Variants in RP1 observed in about 807,000 individuals in gnomAD.
RP1 encodes RP1 axonemal microtubule associated.
In RP1, 16 loss-of-function variants were observed where a neutral mutation model predicts 14.8. That is an observed-to-expected ratio of 1.08 (90% CI 0.73 to 1.65). The LOEUF is 1.65. Ranked by LOEUF, RP1 falls within the 40% of genes most tolerant of loss-of-function variation. RP1 has a pLI of 0.00. For missense variants in RP1, 2,631 were observed against 2,535.0 expected (o/e 1.04, Z -0.81); for synonymous variants, 876 against 883.6 (o/e 0.99, Z 0.15).
chr8:54,588,958 G>A (rs374692498), intron 1 of RP1, among the ~76,000 whole-genome samples: 1 of 152,140 alleles, frequency 6.6e-6, no homozygotes. Flanking sequence ...AAGCTCAAAG[G>A]TTAAGTAACT....
intron 11 of RP1, chr8:54,679,654 A>G (rs1343575166): frequency 6.5e-7 from 1 of 1,534,840 alleles, no homozygotes; most frequent in South Asian, 1.2e-5. Context: ...GCTTTAGATT[A>G]TCTCATATAA....
At chr8:54,607,847 CGT>C (rs1563324287) in intron 1 of RP1, among the ~76,000 whole-genome samples, 7 of 152,158 alleles carry the variant, frequency 4.6e-5, no homozygotes, top group African/African-American at 1.7e-4. Flanking sequence ...CTGAGCCATG[CGT>C]GGGATATAAT....
chr8:54,676,944 AT>A (rs1227722901), intron 8 of RP1, among the ~76,000 whole-genome samples: 1 of 151,908 alleles, frequency 6.6e-6, no homozygotes, highest in Admixed American at 6.6e-5. Flanking sequence ...CATTTTGGAG[AT>A]TTTTTTCCAG....
intron 24 of RP1, among the ~76,000 whole-genome samples, chr8:54,801,533 C>T (rs76173789): frequency 0.036 from 5,539 of 152,066 alleles, 217 homozygotes; most frequent in African/African-American, 0.091. Context: ...ATTACATCTT[C>T]TGTTCCACAG....
In RP1 at chr8:54,625,646, C is replaced by G. The variant is rs374730366; in HGVS notation, c.1764C>G (p.Asn588Lys). 4.3e-6 allele frequency: 7 copies of G among 1,613,910 alleles called. No homozygotes were observed. The highest frequency in any genetic ancestry group is 5.9e-6 in the Non-Finnish European group (7 of 1,179,996). ...EDVVDCVVLDNKTGIKNFKTY... is the reference protein window; with the variant it reads ...EDVVDCVVLDKKTGIKNFKTY... The stretch of plus-strand genomic sequence containing the variant: ...TAGTTGATTGTGTGGTATTGGACAA[C>G]AAAACTGGTATCAAGAACTTCAAAA... Residue 588 changes from asparagine to lysine, a missense_variant, in exon 4 of 4, where the codon AAC becomes AAG. Physicochemically the swap from Asn to Lys is moderately conservative, Grantham distance 94. Coordinates refer to ENST00000220676, the MANE Select transcript of RP1 (RefSeq NM_006269.2).
At chr8:54,796,968 A>G (rs1810590717) in intron 24 of RP1, among the ~76,000 whole-genome samples, 1 of 152,214 alleles carries the variant, frequency 6.6e-6, no homozygotes, top group Non-Finnish European at 1.5e-5. Context: ...GGAATGATAG[A>G]ATCTATCATG....
chr8:54,815,552 C>A (rs144453587), intron 24 of RP1, among the ~76,000 whole-genome samples: 1 of 152,094 alleles, frequency 6.6e-6, no homozygotes, highest in Non-Finnish European at 1.5e-5. Context: ...AGATTACAAA[C>A]GAAGTCTGGA....
chr8:54,683,854 A>T (rs773535732), intron 12 of RP1, among the ~76,000 whole-genome samples: 1 of 152,140 alleles, frequency 6.6e-6, no homozygotes, highest in Non-Finnish European at 1.5e-5. Context: ...GAGTAGTAAG[A>T]GAGGGCATCC....
intron 24 of RP1, among the ~76,000 whole-genome samples, chr8:54,794,124 T>C (rs1810528532): frequency 6.6e-6 from 1 of 151,830 alleles, no homozygotes; most frequent in Non-Finnish European, 1.5e-5. Flanking sequence ...ATTATTAAAA[T>C]ATACATATTA....
chr8:54,768,775 A>C (rs1270352511), intron 22 of RP1, among the ~76,000 whole-genome samples: 1 of 152,178 alleles, frequency 6.6e-6, no homozygotes, highest in East Asian at 1.9e-4. Context: ...TTTCTTCAAA[A>C]GGGAGCTTCT....
At chr8:54,573,590 T>C (rs1024039597) in intron 1 of RP1, among the ~76,000 whole-genome samples, 10 of 152,312 alleles carry the variant, frequency 6.6e-5, no homozygotes, top group African/African-American at 2.2e-4. Flanking sequence ...TAGTAAATTA[T>C]TTTAGAATTT....
intron 25 of RP1, among the ~76,000 whole-genome samples, chr8:54,852,221 A>G (rs1003558953): frequency 6.6e-6 from 1 of 152,174 alleles, no homozygotes; most frequent in Admixed American, 6.5e-5. Flanking sequence ...GCCAGACTTT[A>G]GGGGGAAAAA....
At chr8:54,678,650 T>C in intron 9 of RP1, 1 of 799,338 alleles carries the variant, frequency 1.3e-6, no homozygotes, top group South Asian at 1.8e-5. Context: ...CTTTGTTGGG[T>C]AACTTTTGTG....
chr8:54,670,528 T>C (rs1227463879), intron 7 of RP1, among the ~76,000 whole-genome samples: 1 of 130,632 alleles, frequency 7.7e-6, no homozygotes, highest in Non-Finnish European at 1.6e-5. Flanking sequence ...TATGTGTATA[T>C]ATATACATAT....
intron 12 of RP1, among the ~76,000 whole-genome samples, chr8:54,691,772 A>AAT (rs1245056429): frequency 1.3e-5 from 2 of 151,758 alleles, no homozygotes; most frequent in African/African-American, 2.4e-5. Context: ...AAAGCATACA[A>AAT]ATATATATAT....
chr8:54,758,953 T>G (rs756508421), exon 22 of RP1: 2 of 1,535,864 alleles, frequency 1.3e-6, no homozygotes, highest in African/African-American at 2.7e-5. Context: ...GCAGTGTCGC[T>G]TGGAAAACTG....
chr8:54,621,193 TC>T lies in RP1; in HGVS notation c.230del (p.Pro77LeufsTer4). 1 of 1,614,028 alleles carries T rather than the reference TC, an allele frequency of 6.2e-7. No homozygotes were observed. Among genetic ancestry groups the T allele is most frequent in the Non-Finnish European group, 8.5e-7 (1 of 1,179,988 alleles). On this transcript the variant is annotated frameshift_variant, in exon 2 of 4. Coordinates refer to ENST00000220676, the MANE Select transcript of RP1 (RefSeq NM_006269.2). LOFTEE classifies it high-confidence loss of function. Reference sequence around the variant, plus strand: ...GATAACTTGTCCAGGAAGGTGCCCCTCCCTTTTGGAGTGAGGAACATCAGCA... The same window carrying T: ...GATAACTTGTCCAGGAAGGTGCCCCTCCTTTTGGAGTGAGGAACATCAGCA... ...LLDNLSRKVP[L>X]PFGVRNISTP...
chr8:54,581,750 T>A (rs539983606), intron 1 of RP1, among the ~76,000 whole-genome samples: 3,416 of 152,342 alleles, frequency 0.022, 126 homozygotes, highest in African/African-American at 0.077. Flanking sequence ...ATTTCTCTGA[T>A]GGCCAGTGAT....
At chr8:54,570,818 G>A (rs2129292998) in intron 1 of RP1, among the ~76,000 whole-genome samples, 1 of 152,212 alleles carries the variant, frequency 6.6e-6, no homozygotes, top group Non-Finnish European at 1.5e-5. Context: ...TTTTTAAGTA[G>A]AAAACAGAAA....
Sources: gnomAD v4.1 joint callset for allele counts (sites outside exome capture counted in the v4.1 genomes callset) on GRCh38, gnomAD v4.1.1 for gene constraint, MANE v1.5 for transcripts, NCBI Gene and HGNC (gene_info 2026-07-23, HGNC 2026-07-21) for gene names.